Variants in R3HDM1 observed in about 807,000 individuals in gnomAD.
The protein encoded by R3HDM1 is R3H domain containing 1, also known as R3H domain-containing protein 1.
A neutral mutation model predicts 141.1 loss-of-function variants in R3HDM1; 46 were observed. The observed-to-expected ratio is 0.33, with a 90% confidence interval of 0.26 to 0.42. The LOEUF (loss-of-function observed/expected upper bound fraction) is 0.42, where lower values mean the gene tolerates loss of function less well. R3HDM1 is among the 10% of genes least tolerant of loss of function. The pLI is 1.00. For synonymous variants in R3HDM1, 435 were observed against 472.9 expected (o/e 0.92, Z 1.04); for missense variants, 1,184 against 1,368.3 (o/e 0.87, Z 2.12).
chr2:135,645,477 C>A lies in R3HDM1; in HGVS notation c.1573C>A (p.Pro525Thr). 1 of 1,614,110 alleles carries A rather than the reference C, an allele frequency of 6.2e-7. No individual in the cohort carries two copies. Among genetic ancestry groups the A allele is most frequent in the South Asian group, 1.1e-5 (1 of 91,076 alleles). Reference protein sequence around the residue: ...RSQVPGPPQPPLPAPPQQPAA... With the variant: ...RSQVPGPPQPTLPAPPQQPAA... ...CCAAGTGCCTGGACCTCCACAGCCA[C>A]CTCTGCCAGCCCCACCTCAACAACC... The change falls in exon 16 of 27, where the codon CCT (proline) becomes ACT (threonine). Residue 525 changes from proline (P) to threonine (T), a missense_variant. Pro to Thr is a conservative substitution (Grantham distance 38, BLOSUM62 -1). Coordinates refer to ENST00000683871, the MANE Select transcript of R3HDM1 (RefSeq NM_001378107.1).
intron 4 of R3HDM1, 93 bp downstream of exon 4, chr2:135,616,286 T>A: frequency 8.0e-7 from 1 of 1,249,696 alleles, no homozygotes. Context: ...TTCAGTTTAG[T>A]TCTTCCATAT....
At chr2:135,616,293 A>G (rs562703032) in intron 4 of R3HDM1, 100 bp downstream of exon 4, 2 of 1,207,156 alleles carry the variant, frequency 1.7e-6, no homozygotes, top group Admixed American at 2.2e-5. Flanking sequence ...TAGTTCTTCC[A>G]TATTTTATGG....
chr2:135,717,669 C>CA (rs1184207510), intron 24 of R3HDM1, among the ~76,000 whole-genome samples: 1 of 152,214 alleles, frequency 6.6e-6, no homozygotes, highest in South Asian at 2.1e-4. Flanking sequence ...CCACAACATG[C>CA]AAAATCCACA....
At chr2:135,586,177 A>G (rs1355038330) in intron 1 of R3HDM1, 1 of 152,226 alleles carries the variant, frequency 6.6e-6, no homozygotes, top group Non-Finnish European at 1.5e-5. Flanking sequence ...CAGTCTTTGC[A>G]TATTCACAGT....
intron 21 of R3HDM1, among the ~76,000 whole-genome samples, chr2:135,704,273 C>T (rs957504126): frequency 3.9e-5 from 6 of 152,214 alleles, no homozygotes; most frequent in Non-Finnish European, 5.9e-5. Context: ...AGCCGCCACA[C>T]CCGGCTGAAC....
intron 23 of R3HDM1, among the ~76,000 whole-genome samples, chr2:135,714,391 G>A (rs2075961819): frequency 6.6e-6 from 1 of 152,104 alleles, no homozygotes; most frequent in African/African-American, 2.4e-5. Flanking sequence ...CAAATCTTCA[G>A]AAATGTCAAA....
At chr2:135,613,176 C>T (rs2060700990) in intron 3 of R3HDM1, among the ~76,000 whole-genome samples, 1 of 152,162 alleles carries the variant, frequency 6.6e-6, no homozygotes, top group Non-Finnish European at 1.5e-5. Context: ...CCAGGCTGGG[C>T]CCTTTTCTGA....
rs2065182222 is a variant in R3HDM1, at chr2:135,651,848, A to G, written c.1844A>G (p.Gln615Arg). 6.2e-7 allele frequency: 1 copy of G among 1,613,954 alleles called. No individual in the cohort carries two copies. The highest frequency in any genetic ancestry group is 8.5e-7 in the Non-Finnish European group (1 of 1,179,998). ...ACTGTGGTTCTTCAGTCTCCACAGC[A>G]GTCTGGTTATATCATGACAGCAGCC... The part of the protein sequence containing the change: ...QSTVVLQSPQ[Q>R]SGYIMTAAPP... The change falls in exon 18 of 27, where the codon CAG (glutamine) becomes CGG (arginine). Residue 615 changes from glutamine (Q) to arginine (R), a missense_variant. Physicochemically the swap from Gln to Arg is conservative, Grantham distance 43. Coordinates refer to ENST00000683871, the MANE Select transcript of R3HDM1 (RefSeq NM_001378107.1).
intron 18 of R3HDM1, among the ~76,000 whole-genome samples, chr2:135,657,610 T>C (rs561994822): frequency 1.3e-5 from 2 of 152,230 alleles, no homozygotes; most frequent in East Asian, 3.9e-4. Context: ...TATGCCTGGC[T>C]GGTTTTCAGA....
intron 19 of R3HDM1, chr2:135,667,736 C>G: frequency 1.0e-6 from 1 of 982,554 alleles, no homozygotes. Context: ...CCTTCCTAAT[C>G]CTCAGCCTTC....
At chr2:135,569,267 A>G (rs1427023459) in intron 1 of R3HDM1, among the ~76,000 whole-genome samples, 2 of 151,854 alleles carry the variant, frequency 1.3e-5, no homozygotes, top group Admixed American at 1.3e-4. Context: ...GGTGGATCAC[A>G]AGGTCAGGAG....
chr2:135,702,703 G>C (rs1359040169), intron 21 of R3HDM1, among the ~76,000 whole-genome samples: 1 of 150,230 alleles, frequency 6.7e-6, no homozygotes, highest in Non-Finnish European at 1.5e-5. Context: ...TGTAATCCCA[G>C]CTACTCGGGA....
chr2:135,596,200 G>C (rs78412268), intron 1 of R3HDM1, among the ~76,000 whole-genome samples: 13 of 152,040 alleles, frequency 8.6e-5, no homozygotes, highest in African/African-American at 3.1e-4. Flanking sequence ...GTTTCACCAT[G>C]TTGGCCAGGC....
Position 135,672,932 on chromosome 2 carries a change from C to T in R3HDM1, c.2153-2400C>T, listed in dbSNP as rs188756375. 5.5e-4 allele frequency among the ~76,000 whole-genome samples: 84 copies of T among 152,152 alleles called. 1 individual carries two copies. The East Asian group carries it at 0.013, about 24-fold the overall frequency. On this transcript the variant is annotated intron_variant, in intron 19 of 26. Coordinates refer to ENST00000683871, the MANE Select transcript of R3HDM1 (RefSeq NM_001378107.1). Reference sequence around the variant, plus strand: ...ACCAGCCTGTCCAACATGGTGAAACCCCCATCTCTACTAAAAATACAAAAA... The same window carrying T: ...ACCAGCCTGTCCAACATGGTGAAACTCCCATCTCTACTAAAAATACAAAAA...
chr2:135,712,179 G>A (rs1490322978), intron 23 of R3HDM1, among the ~76,000 whole-genome samples: 1 of 151,948 alleles, frequency 6.6e-6, no homozygotes, highest in Non-Finnish European at 1.5e-5. Context: ...GAATTAAAAG[G>A]TTTTATCTTT....
chr2:135,663,505 G>T (rs2067035728), intron 19 of R3HDM1, among the ~76,000 whole-genome samples: 1 of 152,070 alleles, frequency 6.6e-6, no homozygotes, highest in Non-Finnish European at 1.5e-5. Flanking sequence ...AGAATAAAAG[G>T]AATAAATCCT....
intron 15 of R3HDM1, among the ~76,000 whole-genome samples, chr2:135,644,976 G>A (rs137998620): frequency 1.5e-4 from 23 of 152,240 alleles, no homozygotes; most frequent in African/African-American, 5.5e-4. Context: ...CAGCTACTCG[G>A]GAGGCTGAGG....
chr2:135,572,305 T>TA (rs1319449112), intron 1 of R3HDM1, among the ~76,000 whole-genome samples: 9 of 152,152 alleles, frequency 5.9e-5, no homozygotes, highest in Non-Finnish European at 1.3e-4. Flanking sequence ...ACAGAATACA[T>TA]AAGGAGCTCT....
intron 17 of R3HDM1, chr2:135,651,238 G>A: frequency 1.0e-6 from 1 of 985,210 alleles, no homozygotes; most frequent in Non-Finnish European, 1.2e-6. Flanking sequence ...TTTAATTTCT[G>A]CAAATAATTT....
Sources: gnomAD v4.1 joint callset for allele counts (sites outside exome capture counted in the v4.1 genomes callset) on GRCh38, gnomAD v4.1.1 for gene constraint, MANE v1.5 for transcripts, NCBI Gene and HGNC (gene_info 2026-07-23, HGNC 2026-07-21) for gene names.